Variants in PDK1 observed in about 807,000 individuals in gnomAD.
PDK1 encodes the protein [Pyruvate dehydrogenase (acetyl-transferring)] kinase isozyme 1, mitochondrial.
A neutral mutation model predicts 54.2 loss-of-function variants in PDK1; 39 were observed. That is an observed-to-expected ratio of 0.72 (90% confidence interval 0.56 to 0.94). The LOEUF (loss-of-function observed/expected upper bound fraction) is 0.94, where lower values mean the gene tolerates loss of function less well. PDK1 is among the 40% of genes least tolerant of loss of function. The probability of loss-of-function intolerance (pLI) is 0.00; values close to 1 mark genes in which losing one functional copy is unlikely to be tolerated. For missense variants in PDK1, 552 were observed against 566.0 expected, an observed-to-expected ratio of 0.98 and a Z score of 0.25; for synonymous variants, 221 against 207.1, an observed-to-expected ratio of 1.07 and a Z score of -0.58.
the PDK1 span, among the ~76,000 whole-genome samples, chr2:172,660,245 CTCTTTTT>C: frequency 1.6e-3 from 87 of 55,638 alleles, no homozygotes; most frequent in Non-Finnish European, 2.0e-3. Flanking sequence ...CTCTCTCTCT[CTCTTTTT>C]TTTTTTTTTT....
At chr2:172,558,399 C>T (rs554413028) in intron 1 of PDK1, 4 of 234,340 alleles carry the variant, frequency 1.7e-5, no homozygotes, top group South Asian at 1.2e-4. Flanking sequence ...CTCAGACATG[C>T]TCAGGTTACC....
the PDK1 span, among the ~76,000 whole-genome samples, chr2:172,621,820 G>GTC: frequency 4.6e-5 from 6 of 130,376 alleles, no homozygotes; most frequent in African/African-American, 7.1e-5. Flanking sequence ...TCATATGTAT[G>GTC]ATATATGTTT....
At chr2:172,721,693 T>C in the PDK1 span, among the ~76,000 whole-genome samples, 1 of 152,222 alleles carries the variant, frequency 6.6e-6, no homozygotes, top group Non-Finnish European at 1.5e-5. Flanking sequence ...TTTTTCCCAG[T>C]AATGCATGGA....
chr2:172,640,336 G>A, the PDK1 span, among the ~76,000 whole-genome samples: 1 of 152,176 alleles, frequency 6.6e-6, no homozygotes, highest in Admixed American at 6.5e-5. Context: ...TAGGTTTGAT[G>A]TGAGTTTAGA....
At chr2:172,578,343 C>T (rs1172803677) in intron 8 of PDK1, among the ~76,000 whole-genome samples, 1 of 152,082 alleles carries the variant, frequency 6.6e-6, no homozygotes, top group African/African-American at 2.4e-5. Flanking sequence ...ATTTTCATTT[C>T]GTTTATTTTT....
the PDK1 span, among the ~76,000 whole-genome samples, chr2:172,683,344 C>A: frequency 2.3e-5 from 3 of 129,976 alleles, no homozygotes; most frequent in Non-Finnish European, 3.3e-5. Flanking sequence ...GAAACTCCGT[C>A]AAAAAAAAAA....
At chr2:172,593,105 C>A in intron 10 of PDK1, 57 bp downstream of exon 10, 2 of 877,206 alleles carry the variant, frequency 2.3e-6, no homozygotes, top group Non-Finnish European at 3.7e-6. Context: ...AACAGATGTC[C>A]ATACTTAACT....
chr2:172,612,288 CT>C (rs1257011504), downstream of PDK1, among the ~76,000 whole-genome samples: 1 of 152,242 alleles, frequency 6.6e-6, no homozygotes, highest in Non-Finnish European at 1.5e-5. Context: ...AGCTGAAACT[CT>C]TAAGAGCAAT....
chr2:172,713,530 G>A, the PDK1 span, among the ~76,000 whole-genome samples: 13 of 152,342 alleles, frequency 8.5e-5, no homozygotes, highest in South Asian at 1.4e-3. Context: ...GGAGGGGGCC[G>A]AGGAGGCAGG....
chr2:172,689,290 A>C, the PDK1 span, among the ~76,000 whole-genome samples: 2 of 152,206 alleles, frequency 1.3e-5, no homozygotes, highest in African/African-American at 2.4e-5. Flanking sequence ...CTTGTAAGAA[A>C]AGTTCTCCAA....
At chr2:172,634,444 T>G in the PDK1 span, among the ~76,000 whole-genome samples, 1 of 151,740 alleles carries the variant, frequency 6.6e-6, no homozygotes, top group Non-Finnish European at 1.5e-5. Context: ...AGCTAATTTT[T>G]GTATTTTTAG....
chr2:172,707,501 C>T, the PDK1 span, among the ~76,000 whole-genome samples: 4 of 152,122 alleles, frequency 2.6e-5, no homozygotes, highest in South Asian at 2.1e-4. Context: ...ATTGTCTGCA[C>T]GGGACTCCTT....
chr2:172,587,843 A>G (rs1005311397), intron 9 of PDK1, among the ~76,000 whole-genome samples: 1 of 152,142 alleles, frequency 6.6e-6, no homozygotes, highest in African/African-American at 2.4e-5. Flanking sequence ...TGGTGCATTT[A>G]CAATCCTTTA....
At chr2:172,711,862 G>C in the PDK1 span, among the ~76,000 whole-genome samples, 9 of 64,528 alleles carry the variant, frequency 1.4e-4, no homozygotes, top group African/African-American at 5.6e-4. Flanking sequence ...TGAGAACCTA[G>C]CTCAAAAAAA....
chr2:172,685,882 T>A, the PDK1 span, among the ~76,000 whole-genome samples: 1 of 152,242 alleles, frequency 6.6e-6, no homozygotes, highest in African/African-American at 2.4e-5. Flanking sequence ...ATCTTCGTTG[T>A]CTCCAATGCC....
Position 172,603,814 on chromosome 2 carries a change from C to T in PDK1, c.*7845C>T, listed in dbSNP as rs1691193235. 6.6e-6 allele frequency: 1 copy of T among 152,174 alleles called. No homozygotes were observed. Among genetic ancestry groups the T allele is most frequent in the Non-Finnish European group, 1.5e-5 (1 of 68,040 alleles). 9.4% of individuals were successfully genotyped at this position (152,174 alleles called of 1,614,324 possible). ...CTGATAAAACTTCATTATTAATGTT[C>T]TGCATTAATTTAGCGGATGACTATA... On this transcript the variant is annotated 3_prime_UTR_variant, in exon 11 of 11. Coordinates refer to ENST00000282077, the MANE Select transcript of PDK1 (RefSeq NM_002610.5).
intron 1 of PDK1, chr2:172,558,147 T>G (rs1688452908): frequency 6.6e-6 from 1 of 152,316 alleles, no homozygotes; most frequent in Admixed American, 6.5e-5. Flanking sequence ...TTTAATTTAT[T>G]TTTTTAAGGC....
chr2:172,668,195 C>G, the PDK1 span, among the ~76,000 whole-genome samples: 1 of 152,008 alleles, frequency 6.6e-6, no homozygotes, highest in Non-Finnish European at 1.5e-5. Flanking sequence ...ATCTGGTAGT[C>G]TTGGAGGCAT....
chr2:172,568,660 T>C, intron 6 of PDK1, 81 bp from the exon 7 acceptor site: 1 of 853,696 alleles, frequency 1.2e-6, no homozygotes, highest in Non-Finnish European at 2.0e-6. Flanking sequence ...ATGTTTTCTT[T>C]TCATCACTAC....
Sources: allele counts gnomAD v4.1 joint callset (sites outside exome capture counted in the v4.1 genomes callset), GRCh38; gene constraint gnomAD v4.1.1; transcripts MANE v1.5; gene names NCBI Gene and HGNC (gene_info 2026-07-23, HGNC 2026-07-21).